The following NTRK2 variants were observed in gnomAD, a reference collection of about 807,000 sequenced individuals.
NTRK2 encodes the protein BDNF/NT-3 growth factors receptor.
In NTRK2, 13 loss-of-function variants were observed where a neutral mutation model predicts 94.5. That is an observed-to-expected ratio of 0.14 (90% CI 0.09 to 0.22). The LOEUF (loss-of-function observed/expected upper bound fraction) is 0.22. Among genes scored for constraint, NTRK2 ranks in the 10% least tolerant of loss-of-function variants. The pLI is 1.00. For synonymous variants in NTRK2, 372 were observed against 407.4 expected (o/e 0.91, Z 1.05); for missense variants, 639 against 1,071.2 (o/e 0.60, Z 5.63).
chr9:84,821,744 T>C (rs991144833), intron 12 of NTRK2, among the ~76,000 whole-genome samples: 3 of 152,028 alleles, frequency 2.0e-5, no homozygotes, highest in Non-Finnish European at 4.4e-5. Flanking sequence ...TTTATTTTGC[T>C]GTGAATTATA....
chr9:84,718,564 A>C (rs879745755), intron 6 of NTRK2, among the ~76,000 whole-genome samples: 1 of 152,176 alleles, frequency 6.6e-6, no homozygotes, highest in African/African-American at 2.4e-5. Context: ...ACATTTACGC[A>C]GAGGTATCTG....
rs573989045 is a variant in NTRK2, at chr9:85,025,102, C to G, written c.*3665C>G. On this transcript the variant is annotated 3_prime_UTR_variant, in exon 19 of 19. Transcript: ENST00000277120. The stretch of plus-strand genomic sequence containing the variant: ...ATGTTGCTGTTAGTGCTTCCATACT[C>G]CACGTGGGTAGGACTACATCACACT... 6.6e-4 allele frequency: 153 copies of G among 233,112 alleles called. No homozygotes were observed. Among genetic ancestry groups the G allele is most frequent in the African/African-American group, 3.3e-3 (149 of 45,460 alleles). 14.4% of individuals were successfully genotyped at this position (233,112 alleles called of 1,614,324 possible). A position where few individuals can be genotyped will look rare whatever the true frequency, so the allele number is the denominator to read the frequency against.
At chr9:84,747,968 T>C (rs143453280) in intron 11 of NTRK2, among the ~76,000 whole-genome samples, 5 of 152,304 alleles carry the variant, frequency 3.3e-5, no homozygotes, top group African/African-American at 1.2e-4. Flanking sequence ...ATATTTTATA[T>C]ATAAAGAGTT....
intron 17 of NTRK2, among the ~76,000 whole-genome samples, chr9:85,006,887 G>A (rs183972564): frequency 6.6e-6 from 1 of 152,170 alleles, no homozygotes; most frequent in African/African-American, 2.4e-5. Flanking sequence ...GGCTCCAAGG[G>A]GTATGTGCCC....
At chr9:84,999,166 C>T (rs1026421319) in intron 17 of NTRK2, among the ~76,000 whole-genome samples, 12 of 151,060 alleles carry the variant, frequency 7.9e-5, no homozygotes, top group Admixed American at 3.3e-4. Flanking sequence ...TCCATTTGAG[C>T]GTCTGTTTTA....
chr9:84,675,968 T>C (rs915461430), intron 2 of NTRK2, among the ~76,000 whole-genome samples: 1 of 152,238 alleles, frequency 6.6e-6, no homozygotes, highest in African/African-American at 2.4e-5. Flanking sequence ...GATGAGTGAA[T>C]GTGCTCAAAG....
intron 12 of NTRK2, among the ~76,000 whole-genome samples, chr9:84,783,140 C>G (rs2067766991): frequency 6.6e-6 from 1 of 152,176 alleles, no homozygotes; most frequent in African/African-American, 2.4e-5. Context: ...AACAAATGCT[C>G]TTAATGACAT....
chr9:84,803,494 T>C (rs559551971), intron 12 of NTRK2, among the ~76,000 whole-genome samples: 3 of 152,162 alleles, frequency 2.0e-5, no homozygotes, highest in Admixed American at 6.5e-5. Flanking sequence ...ATGTCCTCAC[T>C]TGTGGGGGTG....
intron 17 of NTRK2, among the ~76,000 whole-genome samples, chr9:84,970,415 C>T (rs1259733358): frequency 1.3e-5 from 2 of 151,414 alleles, no homozygotes; most frequent in East Asian, 3.9e-4. Flanking sequence ...TAAAAAATGG[C>T]AATAATAATA....
intron 17 of NTRK2, among the ~76,000 whole-genome samples, chr9:84,993,426 T>A (rs140229255): frequency 6.6e-6 from 1 of 152,314 alleles, no homozygotes; most frequent in African/African-American, 2.4e-5. Context: ...TCTCAGTGAA[T>A]GACCATCATC....
Position 84,782,037 on chromosome 9 carries a change from A to AACACACACACAC in NTRK2, c.1396+29972_1396+29983dup, listed in dbSNP as rs58851217. Among the ~76,000 whole-genome samples the AACACACACACAC allele has an allele frequency of 5.2e-3, 771 of 149,644 alleles. 9 individuals carry two copies. The highest frequency in any genetic ancestry group is 0.017 in the African/African-American group (672 of 40,448). On this transcript the variant is annotated intron_variant, in intron 12 of 18. Transcript: ENST00000277120. Reference sequence around the variant, plus strand: ...AGGATTATAAGATGGCCTCCAAGAAAACACACACACACACACACACACACA... The same window carrying AACACACACACAC: ...AGGATTATAAGATGGCCTCCAAGAAAACACACACACACACACACACACACACACACACACACA...
chr9:84,755,649 C>A (rs915341138), intron 12 of NTRK2, among the ~76,000 whole-genome samples: 1 of 144,858 alleles, frequency 6.9e-6, no homozygotes, highest in Non-Finnish European at 1.5e-5. Flanking sequence ...TTTCAACAAT[C>A]GTCATTGTTT....
chr9:84,854,090 G>T (rs1007377343), intron 12 of NTRK2, among the ~76,000 whole-genome samples: 1 of 146,114 alleles, frequency 6.8e-6, no homozygotes, highest in African/African-American at 2.5e-5. Flanking sequence ...AAAAAGAAAA[G>T]AAAAGAAAAA....
At chr9:84,801,856 T>C (rs1391029115) in intron 12 of NTRK2, among the ~76,000 whole-genome samples, 1 of 152,230 alleles carries the variant, frequency 6.6e-6, no homozygotes, top group African/African-American at 2.4e-5. Context: ...AATTAATATA[T>C]AATCCAGTCA....
At chr9:84,882,725 C>CGCGCGCGCGCGCGT (rs1554762209) in intron 14 of NTRK2, among the ~76,000 whole-genome samples, 2 of 148,668 alleles carry the variant, frequency 1.3e-5, no homozygotes, top group African/African-American at 5.1e-5. Context: ...TGTGTGCGCG[C>CGCGCGCGCGCGCGT]GCGCGCGCAT....
At chr9:84,737,306 A>T (rs1588262489) in intron 9 of NTRK2, among the ~76,000 whole-genome samples, 1 of 152,210 alleles carries the variant, frequency 6.6e-6, no homozygotes, top group Non-Finnish European at 1.5e-5. Context: ...TCCTTTAACT[A>T]TAGAGTCTTA....
Position 85,026,654 on chromosome 9 carries a change from G to GGAGATGTGCAGAAATGGA in NTRK2, c.*5219_*5220insGATGTGCAGAAATGGAGA, listed in dbSNP as rs1257536552. 2 of 232,928 alleles carry GGAGATGTGCAGAAATGGA rather than the reference G, an allele frequency of 8.6e-6. No homozygotes were observed. The highest frequency in any genetic ancestry group is 1.2e-4 in the East Asian group (2 of 16,506). The allele number at this position is 232,928 out of a possible 1,614,324, so 14.4% of individuals were successfully genotyped here. A position where few individuals can be genotyped will look rare whatever the true frequency, so the allele number is the denominator to read the frequency against. ...GACTTACAAATCTGCCTGGAGATGTGGACATTCTGCATTTGCTTCTGTATC... is the reference window on the plus strand; with the variant it reads ...GACTTACAAATCTGCCTGGAGATGTGGAGATGTGCAGAAATGGAGACATTCTGCATTTGCTTCTGTATC... On this transcript the variant is annotated 3_prime_UTR_variant, in exon 19 of 19. Transcript: ENST00000277120.
chr9:84,896,736 T>A (rs2076769051), intron 14 of NTRK2, among the ~76,000 whole-genome samples: 1 of 152,252 alleles, frequency 6.6e-6, no homozygotes, highest in Non-Finnish European at 1.5e-5. Context: ...GGGATTAAAC[T>A]TTAATAGTGA....
intron 12 of NTRK2, among the ~76,000 whole-genome samples, chr9:84,820,533 G>A (rs1587502308): frequency 6.6e-6 from 1 of 152,070 alleles, no homozygotes; most frequent in African/African-American, 2.4e-5. Flanking sequence ...ACATAGACTA[G>A]TATCTACATG....
Sources: allele counts gnomAD v4.1 joint callset (sites outside exome capture counted in the v4.1 genomes callset), GRCh38; gene constraint gnomAD v4.1.1; transcripts MANE v1.5; gene names NCBI Gene and HGNC (gene_info 2026-07-23, HGNC 2026-07-21).